Variants in DCLK1 observed in about 807,000 individuals in gnomAD.
DCLK1 encodes doublecortin like kinase 1, also known as serine/threonine-protein kinase DCLK1.
In DCLK1, 16 loss-of-function variants were observed where a neutral mutation model predicts 86.2. The ratio of observed to expected loss-of-function variants is 0.19; its 90% CI spans 0.13 to 0.28. The LOEUF (loss-of-function observed/expected upper bound fraction) is 0.28, where lower values mean the gene tolerates loss of function less well. Among genes scored for constraint, DCLK1 ranks in the 10% least tolerant of loss-of-function variants. The pLI, the probability that DCLK1 is intolerant of heterozygous loss-of-function variation, is 1.00. For missense variants in DCLK1, 590 were observed against 940.2 expected (o/e 0.63, Z 4.87); for synonymous variants, 369 against 370.5 (o/e 1.00, Z 0.05).
At chr13:35,797,598 C>T (rs1385964371) in intron 15 of DCLK1, among the ~76,000 whole-genome samples, 1 of 152,056 alleles carries the variant, frequency 6.6e-6, no homozygotes, top group Non-Finnish European at 1.5e-5. Context: ...AATCTTAAAA[C>T]GTTCTAGGAT....
At chr13:36,036,120 G>A (rs1882478337) in intron 3 of DCLK1, among the ~76,000 whole-genome samples, 1 of 152,112 alleles carries the variant, frequency 6.6e-6, no homozygotes, top group South Asian at 2.1e-4. Context: ...TGCCATGTCA[G>A]TTTACCATTG....
chr13:36,068,597 T>A (rs1883853818), intron 3 of DCLK1, among the ~76,000 whole-genome samples: 1 of 152,008 alleles, frequency 6.6e-6, no homozygotes, highest in Non-Finnish European at 1.5e-5. Context: ...ATAATTCTTT[T>A]CCAAAAATTC....
chr13:36,097,249 G>C (rs1318410187), intron 3 of DCLK1, among the ~76,000 whole-genome samples: 1 of 152,228 alleles, frequency 6.6e-6, no homozygotes, highest in East Asian at 1.9e-4. Context: ...TGCAAATGCA[G>C]ATGAAGGAAC....
Position 36,126,063 on chromosome 13 carries a change from C to T in DCLK1, c.75G>A (p.Ser25=). The part of the protein sequence containing the change: ...RDKAQRYSRG[S]RVNGLPSPTH... ...TCGGGCTCGGCAGGCCGTTCACCCG[C>T]GACCCTCGGCTGTATCTCTGCGCCT... Residue 25 remains serine, a synonymous_variant, in exon 2 of 17, where the codon TCG becomes TCA. Coordinates refer to ENST00000360631, the MANE Select transcript of DCLK1 (RefSeq NM_001330071.2). 1.9e-6 allele frequency: 3 copies of T among 1,612,972 alleles called. No homozygotes were observed. Among genetic ancestry groups the T allele is most frequent in the Non-Finnish European group, 1.7e-6 (2 of 1,179,954 alleles).
intron 8 of DCLK1, among the ~76,000 whole-genome samples, chr13:35,833,822 G>A (rs995172512): frequency 6.6e-6 from 1 of 152,188 alleles, no homozygotes; most frequent in African/African-American, 2.4e-5. Flanking sequence ...TGGGGACAGA[G>A]GGCACATGCC....
chr13:35,818,001 T>C lies in DCLK1; in HGVS notation c.1554+4728A>G, dbSNP rs139558847. 7.2e-4 allele frequency among the ~76,000 whole-genome samples: 110 copies of C among 152,312 alleles called. 1 individual carries two copies. The highest frequency in any genetic ancestry group is 2.6e-3 in the African/African-American group (107 of 41,586). The stretch of plus-strand genomic sequence containing the variant: ...TTGGACCTTTATAGAGCCAAAAATA[T>C]TTTTGGATTTCACTTCTGTCATTGG... On this transcript the variant is annotated intron_variant, in intron 11 of 16. Coordinates refer to ENST00000360631, the MANE Select transcript of DCLK1 (RefSeq NM_001330071.2).
At chr13:35,963,798 C>T (rs1231089380) in intron 3 of DCLK1, among the ~76,000 whole-genome samples, 2 of 152,144 alleles carry the variant, frequency 1.3e-5, no homozygotes, top group Admixed American at 6.5e-5. Context: ...ACATTTCTCT[C>T]TAATCTGCAG....
intron 14 of DCLK1, among the ~76,000 whole-genome samples, chr13:35,807,227 G>T (rs2087045084): frequency 6.6e-6 from 1 of 151,910 alleles, no homozygotes; most frequent in South Asian, 2.1e-4. Context: ...TATTTAATGT[G>T]GTAAAATATA....
chr13:35,788,406 G>A lies in DCLK1; in HGVS notation c.2058+4960C>T, dbSNP rs191127953. On this transcript the variant is annotated intron_variant, in intron 16 of 16. Coordinates refer to ENST00000360631, the MANE Select transcript of DCLK1 (RefSeq NM_001330071.2). ...ATATAGTTACGATGCCTCTTCTGCA[G>A]GGTAACTAGCTAATATCCTAAGTCT... is the stretch of plus-strand genomic sequence containing the variant. 4.7e-6 allele frequency: 4 copies of A among 855,284 alleles called. No individual in the cohort carries two copies. The East Asian group carries it at 1.0e-4, about 22-fold the overall frequency. The allele number at this position is 855,284 out of a possible 1,614,324, so 53.0% of individuals were successfully genotyped here.
At chr13:35,972,359 C>T (rs1459930339) in intron 3 of DCLK1, among the ~76,000 whole-genome samples, 2 of 152,066 alleles carry the variant, frequency 1.3e-5, no homozygotes, top group African/African-American at 2.4e-5. Context: ...CTGCCTCAGC[C>T]TTGACATGAG....
At chr13:35,955,932 A>G (rs1220227529) in intron 3 of DCLK1, among the ~76,000 whole-genome samples, 1 of 152,202 alleles carries the variant, frequency 6.6e-6, no homozygotes, top group African/African-American at 2.4e-5. Context: ...AAACTTAAAT[A>G]TCTGGGAAAG....
chr13:36,048,756 T>C (rs1340966179), intron 3 of DCLK1, among the ~76,000 whole-genome samples: 1 of 152,212 alleles, frequency 6.6e-6, no homozygotes, highest in African/African-American at 2.4e-5. Context: ...CTCTCTTTCC[T>C]TGACAGTGAT....
chr13:36,096,823 G>A (rs1230929176), intron 3 of DCLK1, among the ~76,000 whole-genome samples: 1 of 152,120 alleles, frequency 6.6e-6, no homozygotes, highest in Non-Finnish European at 1.5e-5. Flanking sequence ...AGACCCCAAG[G>A]AAGCATCCCT....
chr13:35,788,355 C>G (rs1370126402), intron 16 of DCLK1: 2 of 1,398,344 alleles, frequency 1.4e-6, no homozygotes, highest in Non-Finnish European at 2.0e-6. Context: ...CCAGACCAAG[C>G]TGTTCTTCAT....
chr13:35,785,522 C>T (rs1289684037), intron 16 of DCLK1, among the ~76,000 whole-genome samples: 1 of 152,122 alleles, frequency 6.6e-6, no homozygotes, highest in Non-Finnish European at 1.5e-5. Context: ...TTGGAAGCAG[C>T]TCTCTGGTAT....
chr13:36,101,746 T>C (rs1240805760), intron 3 of DCLK1, among the ~76,000 whole-genome samples: 1 of 152,054 alleles, frequency 6.6e-6, no homozygotes, highest in Non-Finnish European at 1.5e-5. Flanking sequence ...ATTTAATTTT[T>C]TTTTTCTTTT....
intron 11 of DCLK1, among the ~76,000 whole-genome samples, chr13:35,814,101 C>T (rs1017621676): frequency 5.3e-5 from 8 of 152,060 alleles, no homozygotes; most frequent in Non-Finnish European, 4.4e-5. Flanking sequence ...CCTCTCTCAA[C>T]GGGGACTCTT....
intron 12 of DCLK1, among the ~76,000 whole-genome samples, chr13:35,809,917 T>C (rs957150186): frequency 4.6e-5 from 7 of 152,182 alleles, no homozygotes; most frequent in East Asian, 1.9e-4. Context: ...CTCGAAAAAC[T>C]ATCTCCAACT....
intron 16 of DCLK1, among the ~76,000 whole-genome samples, chr13:35,788,705 T>C (rs1164882716): frequency 6.6e-6 from 1 of 152,204 alleles, no homozygotes; most frequent in Non-Finnish European, 1.5e-5. Context: ...GAGGGCTTCA[T>C]AACTATGAAA....
Sources: allele counts gnomAD v4.1 joint callset (sites outside exome capture counted in the v4.1 genomes callset), GRCh38; gene constraint gnomAD v4.1.1; transcripts MANE v1.5; gene names NCBI Gene and HGNC (gene_info 2026-07-23, HGNC 2026-07-21).